Variants in ACSS2 observed in about 807,000 individuals in gnomAD.
The protein encoded by ACSS2 is acetyl-coenzyme A synthetase, cytoplasmic.
In ACSS2, 58 loss-of-function variants were observed where a neutral mutation model predicts 90.6. The observed-to-expected ratio is 0.64, with a 90% CI of 0.52 to 0.80. The LOEUF is 0.80. Among genes scored for constraint, ACSS2 ranks in the 30% least tolerant of loss-of-function variants. The pLI is 0.00. For missense variants in ACSS2, 759 were observed against 912.0 expected (o/e 0.83, Z 2.16); for synonymous variants, 300 against 330.9 (o/e 0.91, Z 1.01).
chr20:34,905,684 C>T (rs2080781869), intron 2 of ACSS2, among the ~76,000 whole-genome samples: 1 of 152,202 alleles, frequency 6.6e-6, no homozygotes, highest in African/African-American at 2.4e-5. Context: ...TACTAGATGC[C>T]TCCTTTTGCC....
intron 2 of ACSS2, among the ~76,000 whole-genome samples, chr20:34,891,082 T>C (rs1296840796): frequency 6.6e-6 from 1 of 152,158 alleles, no homozygotes; most frequent in African/African-American, 2.4e-5. Context: ...CCATATCACC[T>C]TGACAAATCT....
Position 34,905,114 on chromosome 20 carries a change from C to T in ACSS2, c.375-7982C>T, listed in dbSNP as rs570544659. On this transcript the variant is annotated intron_variant, in intron 2 of 17. Coordinates refer to ENST00000360596, the MANE Select transcript of ACSS2 (RefSeq NM_018677.4). ...AAAATTTTTTGTAGAGACAAGTTCTCACCATGTTGCCCAGGCCAGTCTTGA... is the reference window on the plus strand; with the variant it reads ...AAAATTTTTTGTAGAGACAAGTTCTTACCATGTTGCCCAGGCCAGTCTTGA... Among the ~76,000 whole-genome samples the T allele has an allele frequency of 5.9e-5, 9 of 152,018 alleles. No individual in the cohort carries two copies. In the South Asian group the frequency reaches 1.7e-3, roughly 28 times the overall value.
intron 15 of ACSS2, 34 bp from the exon 16 acceptor site, chr20:34,926,071 A>ATCTCTC (rs1846465174): frequency 1.2e-6 from 2 of 1,609,768 alleles, no homozygotes; most frequent in Non-Finnish European, 1.7e-6. Flanking sequence ...AGAGCCTGGG[A>ATCTCTC]TCTCTCTCAT....
chr20:34,915,538 T>A (rs866507523), intron 7 of ACSS2, among the ~76,000 whole-genome samples: 2 of 152,234 alleles, frequency 1.3e-5, no homozygotes, highest in Non-Finnish European at 1.5e-5. Flanking sequence ...AGGTAACCTG[T>A]CAGAAAACAT....
At chr20:34,895,020 C>T (rs925817886) in intron 2 of ACSS2, among the ~76,000 whole-genome samples, 2 of 152,098 alleles carry the variant, frequency 1.3e-5, no homozygotes, top group Non-Finnish European at 2.9e-5. Flanking sequence ...ATTTTTGTAA[C>T]CTCCTCAGAC....
chr20:34,918,728 A>G (rs1480871854), intron 7 of ACSS2, among the ~76,000 whole-genome samples: 1 of 152,232 alleles, frequency 6.6e-6, no homozygotes, highest in Non-Finnish European at 1.5e-5. Context: ...GACTTATTTT[A>G]CTACTAACAG....
At chr20:34,923,600 T>C (rs898062043) in intron 14 of ACSS2, among the ~76,000 whole-genome samples, 169 bp downstream of exon 14, 90 of 152,320 alleles carry the variant, frequency 5.9e-4, no homozygotes, top group African/African-American at 2.1e-3. Flanking sequence ...GCAGGAAGCA[T>C]GGTGCTGGCA....
intron 2 of ACSS2, among the ~76,000 whole-genome samples, chr20:34,907,290 G>T (rs546936556): frequency 6.6e-6 from 1 of 152,114 alleles, no homozygotes; most frequent in Non-Finnish European, 1.5e-5. Flanking sequence ...GCTAATTTTT[G>T]TCTTTTTAGT....
At chr20:34,909,720 T>C (rs1000069485) in intron 2 of ACSS2, among the ~76,000 whole-genome samples, 4 of 144,578 alleles carry the variant, frequency 2.8e-5, no homozygotes, top group African/African-American at 7.7e-5. Flanking sequence ...TTAAAATCCT[T>C]TTTTTTTTTT....
At chr20:34,883,022 T>TA (rs769643037) in intron 2 of ACSS2, 33 bp downstream of exon 2, 23 of 1,529,784 alleles carry the variant, frequency 1.5e-5, no homozygotes, top group Non-Finnish European at 2.1e-5. Context: ...TGGTGGCAGA[T>TA]AAAAACACTC....
intron 2 of ACSS2, among the ~76,000 whole-genome samples, chr20:34,894,051 C>T (rs953077043): frequency 6.6e-6 from 1 of 152,026 alleles, no homozygotes; most frequent in African/African-American, 2.4e-5. Context: ...TTGAAACCAA[C>T]GTTTGCTTCT....
At position 34,913,206 on chromosome 20, in the gene ACSS2, G is replaced by T; in HGVS notation, c.466+19G>T. On this transcript the variant is annotated intron_variant, in intron 3 of 17. Transcript: ENST00000360596. ...AAACAGGGTGAGTGTGGGGGTGTGG[G>T]AAAGGACTGGGGGTCTGGCCTTGGG... The T allele has an allele frequency of 6.2e-7, 1 of 1,612,548 alleles. No homozygotes were observed. The highest frequency in any genetic ancestry group is 8.5e-7 in the Non-Finnish European group (1 of 1,178,558).
At chr20:34,918,357 G>A (rs529113037) in intron 7 of ACSS2, among the ~76,000 whole-genome samples, 1 of 152,124 alleles carries the variant, frequency 6.6e-6, no homozygotes, top group Non-Finnish European at 1.5e-5. Context: ...CAAATTCAAG[G>A]GATCTAACTT....
intron 9 of ACSS2, 93 bp from the exon 10 acceptor site, chr20:34,920,913 G>T: frequency 6.3e-7 from 1 of 1,575,630 alleles, no homozygotes; most frequent in Non-Finnish European, 8.6e-7. Context: ...TGGTTGGTCA[G>T]AAAGGGCAAA....
chr20:34,913,630 G>A, intron 4 of ACSS2, 123 bp from the exon 5 acceptor site: 1 of 1,251,500 alleles, frequency 8.0e-7, no homozygotes, highest in South Asian at 1.3e-5. Flanking sequence ...GTCCATATTA[G>A]TTATTCAGTT....
chr20:34,892,011 C>T (rs1601303572), intron 2 of ACSS2, among the ~76,000 whole-genome samples: 1 of 152,290 alleles, frequency 6.6e-6, no homozygotes, highest in Admixed American at 6.5e-5. Flanking sequence ...AAAAGAATGG[C>T]TTTAGTTAAT....
chr20:34,888,067 C>CAAAAAA (rs34578238), intron 2 of ACSS2, among the ~76,000 whole-genome samples: 154 of 61,660 alleles, frequency 2.5e-3, no homozygotes, highest in Non-Finnish European at 3.0e-3. Context: ...AAGACTCCAT[C>CAAAAAA]AAAAAAAAAA....
intron 2 of ACSS2, among the ~76,000 whole-genome samples, chr20:34,909,878 G>T (rs917238764): frequency 6.6e-6 from 1 of 151,904 alleles, no homozygotes; most frequent in Non-Finnish European, 1.5e-5. Flanking sequence ...CACCATGCCC[G>T]GCTAATTTTT....
intron 1 of ACSS2, among the ~76,000 whole-genome samples, chr20:34,879,335 T>C (rs1335838388): frequency 6.6e-6 from 1 of 152,148 alleles, no homozygotes; most frequent in Admixed American, 6.6e-5. Flanking sequence ...ACACATTTAT[T>C]CCCACCTTCT....
Sources: gnomAD v4.1 joint callset for allele counts (sites outside exome capture counted in the v4.1 genomes callset) on GRCh38, gnomAD v4.1.1 for gene constraint, MANE v1.5 for transcripts, NCBI Gene and HGNC (gene_info 2026-07-23, HGNC 2026-07-21) for gene names.